The following LRP1B variants were observed in gnomAD, a reference collection of about 807,000 sequenced individuals.
LRP1B encodes the protein LDL receptor related protein 1B.
Under a neutral mutation model 556.6 loss-of-function variants are expected in LRP1B, and 217 were observed. The observed-to-expected ratio is 0.39, with a 90% CI of 0.35 to 0.44. The LOEUF is 0.44. Among genes scored for constraint, LRP1B ranks in the 20% least tolerant of loss-of-function variants. LRP1B has a pLI of 1.00. For missense variants in LRP1B, 5,053 were observed against 5,620.8 expected, an observed-to-expected ratio of 0.90 and a Z score of 3.23; for synonymous variants, 2,047 against 1,865.8, an observed-to-expected ratio of 1.10 and a Z score of -2.50.
chr2:140,492,676 T>C lies in LRP1B; in HGVS notation c.9052A>G (p.Ile3018Val). The C allele has an allele frequency of 1.2e-6, 2 of 1,612,228 alleles. No individual in the cohort carries two copies. The highest frequency in any genetic ancestry group is 1.7e-6 in the Non-Finnish European group (2 of 1,178,434). Residue 3018 changes from isoleucine to valine, a missense_variant, in exon 57 of 91, where the codon ATT becomes GTT. By Grantham distance (29) the Ile-to-Val change is conservative. Around this residue, in one of 5 missense-constraint regions of LRP1B, gnomAD observed 3,619 missense variants for 3,931.9 expected, o/e 0.92. Transcript: ENST00000389484. ...CTTATCTCATGATGATCAGCAAGAA[T>C]TAAAAAAGGTTCTTCATCTAAACAC... The part of the protein sequence containing the change: ...KSLSDEEPFL[I>V]LADHHEIRKI...
At chr2:140,830,779 TG>T (rs1691687547) in intron 31 of LRP1B, among the ~76,000 whole-genome samples, 1 of 152,028 alleles carries the variant, frequency 6.6e-6, no homozygotes, top group South Asian at 2.1e-4. Flanking sequence ...AAATTATTTT[TG>T]TTTTAAGATG....
intron 11 of LRP1B, among the ~76,000 whole-genome samples, chr2:141,032,826 C>CATACATACATACATACATACATACATAT: frequency 7.9e-6 from 1 of 126,616 alleles, no homozygotes; most frequent in Non-Finnish European, 1.7e-5. Flanking sequence ...TATATACATA[C>CATACATACATACATACATACATACATAT]ATATATATAT....
intron 66 of LRP1B, among the ~76,000 whole-genome samples, chr2:140,405,970 G>C (rs1187179101): frequency 3.3e-5 from 5 of 152,018 alleles, no homozygotes; most frequent in Non-Finnish European, 7.4e-5. Context: ...GAATCCAATA[G>C]CACATCAAAA....
intron 1 of LRP1B, among the ~76,000 whole-genome samples, chr2:141,919,392 C>T (rs1451791479): frequency 2.6e-5 from 4 of 151,854 alleles, no homozygotes; most frequent in Middle Eastern, 3.2e-3. Flanking sequence ...ATTTCCTGCA[C>T]TAATATAAGA....
chr2:141,098,174 G>A (rs1410157230), intron 7 of LRP1B, among the ~76,000 whole-genome samples: 2 of 152,148 alleles, frequency 1.3e-5, no homozygotes, highest in Non-Finnish European at 2.9e-5. Flanking sequence ...AAACTAAAAT[G>A]TGTCTCTACT....
At chr2:140,944,525 G>T (rs2105291190) in intron 20 of LRP1B, among the ~76,000 whole-genome samples, 1 of 152,190 alleles carries the variant, frequency 6.6e-6, no homozygotes, top group East Asian at 1.9e-4. Context: ...CAAATTACTA[G>T]CAAACTGAGT....
intron 2 of LRP1B, among the ~76,000 whole-genome samples, chr2:141,772,004 A>G (rs1046586621): frequency 6.6e-6 from 1 of 151,988 alleles, no homozygotes; most frequent in Non-Finnish European, 1.5e-5. Flanking sequence ...TTTGTAGTAG[A>G]GACGGGGTTT....
At chr2:140,349,086 C>T (rs1408757835) in intron 77 of LRP1B, among the ~76,000 whole-genome samples, 1 of 152,070 alleles carries the variant, frequency 6.6e-6, no homozygotes, top group Non-Finnish European at 1.5e-5. Context: ...GGGTGCAGAG[C>T]TCAGCTCCCT....
chr2:141,283,037 G>A (rs1179810378), intron 3 of LRP1B, among the ~76,000 whole-genome samples: 2 of 152,098 alleles, frequency 1.3e-5, no homozygotes, highest in Admixed American at 6.5e-5. Flanking sequence ...TAGTCCAGAT[G>A]CCTAGCATGG....
chr2:141,824,892 T>G, intron 1 of LRP1B, among the ~76,000 whole-genome samples: 1 of 152,076 alleles, frequency 6.6e-6, no homozygotes, highest in Admixed American at 6.6e-5. Flanking sequence ...TGCTGGGAGA[T>G]GGTTGTATCA....
chr2:140,997,372 A>C (rs1293466526), intron 15 of LRP1B, among the ~76,000 whole-genome samples: 1 of 151,866 alleles, frequency 6.6e-6, no homozygotes, highest in Non-Finnish European at 1.5e-5. Flanking sequence ...GCTGCTAATA[A>C]ACTTTTTTTT....
chr2:140,768,931 A>C (rs1344518045), intron 35 of LRP1B, among the ~76,000 whole-genome samples: 1 of 151,910 alleles, frequency 6.6e-6, no homozygotes, highest in Non-Finnish European at 1.5e-5. Context: ...AAGTATCAAA[A>C]TAAAAAAGAG....
intron 1 of LRP1B, among the ~76,000 whole-genome samples, chr2:141,830,828 C>CTGAT (rs984735432): frequency 2.6e-5 from 4 of 151,840 alleles, no homozygotes; most frequent in Non-Finnish European, 3.0e-5. Context: ...GGGTCCCAAA[C>CTGAT]TGATCTCTGA....
intron 85 of LRP1B, 118 bp from the exon 86 acceptor site, chr2:140,270,464 G>A: frequency 1.6e-6 from 1 of 624,070 alleles, no homozygotes; most frequent in Non-Finnish European, 2.8e-6. Flanking sequence ...TGGAGTGGCT[G>A]GTTAAAAGGA....
At chr2:140,852,815 T>C (rs917791093) in intron 27 of LRP1B, among the ~76,000 whole-genome samples, 1 of 152,118 alleles carries the variant, frequency 6.6e-6, no homozygotes, top group Non-Finnish European at 1.5e-5. Flanking sequence ...ACATTTTGAA[T>C]TTTATGTTCC....
intron 3 of LRP1B, among the ~76,000 whole-genome samples, chr2:141,316,822 C>G (rs1442358416): frequency 6.6e-6 from 1 of 152,196 alleles, no homozygotes; most frequent in East Asian, 1.9e-4. Context: ...GTTACAGCTT[C>G]ATAAATCTCT....
intron 22 of LRP1B, among the ~76,000 whole-genome samples, chr2:140,903,928 G>A (rs1694176445): frequency 6.6e-6 from 1 of 151,612 alleles, no homozygotes. Flanking sequence ...CATATATAAT[G>A]TGATTACACA....
chr2:141,524,280 A>ATATATATATATATATAT (rs1553528056), intron 2 of LRP1B, among the ~76,000 whole-genome samples: 3 of 151,312 alleles, frequency 2.0e-5, no homozygotes, highest in African/African-American at 7.3e-5. Flanking sequence ...ATATATATAT[A>ATATATATATATATATAT]AAACTCAATG....
At chr2:140,857,838 G>A (rs1692664473) in intron 27 of LRP1B, among the ~76,000 whole-genome samples, 1 of 151,984 alleles carries the variant, frequency 6.6e-6, no homozygotes, top group Non-Finnish European at 1.5e-5. Flanking sequence ...TAGGGGAAAT[G>A]TGTCTTAAAA....
Sources: allele counts gnomAD v4.1 joint callset (sites outside exome capture counted in the v4.1 genomes callset), GRCh38; gene constraint gnomAD v4.1.1; regional missense constraint gnomAD v4.1.1; transcripts MANE v1.5; gene names NCBI Gene and HGNC (gene_info 2026-07-23, HGNC 2026-07-21).